Variants in ZNF484 observed in about 807,000 individuals in gnomAD.
The protein encoded by ZNF484 is KRAB box containing C2H2 type zinc finger bA526D8.4.
In ZNF484, 11 loss-of-function variants were observed where a neutral mutation model predicts 12.9. The observed-to-expected ratio is 0.85, with a 90% confidence interval of 0.54 to 1.41. ZNF484 has a LOEUF of 1.41. Ranked by LOEUF, ZNF484 falls within the 40% of genes most tolerant of loss-of-function variation. The pLI, the probability that ZNF484 is intolerant of heterozygous loss-of-function variation, is 0.00. For synonymous variants in ZNF484, 289 were observed against 334.1 expected (o/e 0.86, Z 1.47); for missense variants, 807 against 1,007.7 (o/e 0.80, Z 2.70).
intron 2 of ZNF484, among the ~76,000 whole-genome samples, chr9:92,863,007 G>A (rs1856863938): frequency 6.6e-6 from 1 of 152,020 alleles, no homozygotes. Context: ...CAAAGACATG[G>A]AATCAACCCA....
In ZNF484 at chr9:92,846,659, G is replaced by A. The variant is rs775607515; in HGVS notation, c.2128C>T (p.His710Tyr). The change falls in exon 5 of 5, where the codon CAT becomes TAT. Residue 710 changes from histidine (H) to tyrosine (Y), a missense_variant. His to Tyr is a moderately conservative substitution (Grantham distance 83, BLOSUM62 2). Coordinates refer to ENST00000375495, the MANE Select transcript of ZNF484 (RefSeq NM_031486.4). ...AFARKSTLIMHQRIHTGEKPY... is the reference protein window; with the variant it reads ...AFARKSTLIMYQRIHTGEKPY... ...TTCTCTCCTGTATGAATTCTCTGAT[G>A]CATAATTAGTGTTGATTTTCTTGCA... 6.2e-7 allele frequency: 1 copy of A among 1,614,006 alleles called. No homozygotes were observed. The highest frequency in any genetic ancestry group is 8.5e-7 in the Non-Finnish European group (1 of 1,180,008).
chr9:92,871,162 A>T (rs1045707374), intron 2 of ZNF484, among the ~76,000 whole-genome samples: 2 of 152,250 alleles, frequency 1.3e-5, no homozygotes, highest in Non-Finnish European at 2.9e-5. Context: ...ATTTTAAAGT[A>T]GTCCTCATAA....
Position 92,848,124 on chromosome 9 carries a change from A to C in ZNF484, c.663T>G (p.Thr221=). The C allele has an allele frequency of 6.2e-7, 1 of 1,614,236 alleles. No individual in the cohort carries two copies. The highest frequency in any genetic ancestry group is 8.5e-7 in the Non-Finnish European group (1 of 1,180,044). Residue 221 remains threonine, a synonymous_variant, in exon 5 of 5, where the codon ACT becomes ACG. Transcript: ENST00000375495. The surrounding 1 kb of genome is among the most constrained non-coding windows in gnomAD (Gnocchi z 4.1). ...TCCCACATTGGTTACATTCACAAGC[A>C]GTCACTTCTGTATGAGAATTCAAAT... ...FTHLNSHTEV[T]ACECNQCGKP... is the part of the protein sequence containing the mutation.
In ZNF484 at chr9:92,855,791, G is replaced by C. The variant is rs542539427; in HGVS notation, c.235+20C>G. 3.1e-6 allele frequency: 5 copies of C among 1,609,688 alleles called. No individual in the cohort carries two copies. Among genetic ancestry groups the C allele is most frequent in the Non-Finnish European group, 4.2e-6 (5 of 1,176,532 alleles). ...GCAGCTGAGTCATACTGTCTACCAT[G>C]CTCTTGGTTCCCTTCTCACCTGGAC... On this transcript the variant is annotated intron_variant, in intron 4 of 4. Transcript: ENST00000375495.
rs189292762 is a variant in ZNF484 at position 92,873,010 on chromosome 9, T to G, written c.15+2005A>C. Among the ~76,000 whole-genome samples, 3 of 152,234 alleles carry G rather than the reference T, an allele frequency of 2.0e-5. No homozygotes were observed. In the East Asian group the frequency reaches 5.8e-4, roughly 29 times the overall value. ...CAAGACATTCTCAGTCCTCCAAAAATTCGTATGTTTAGGCTGTAACCCCTA... is the reference window on the plus strand; with the variant it reads ...CAAGACATTCTCAGTCCTCCAAAAAGTCGTATGTTTAGGCTGTAACCCCTA... On this transcript the variant is annotated intron_variant, in intron 2 of 4. Transcript: ENST00000375495.
chr9:92,871,578 G>A (rs910707259), intron 2 of ZNF484, among the ~76,000 whole-genome samples: 4 of 152,178 alleles, frequency 2.6e-5, no homozygotes, highest in Non-Finnish European at 5.9e-5. Flanking sequence ...ACAGATAGAA[G>A]CTGGGCAAAT....
chr9:92,872,538 G>T (rs1857517103), intron 2 of ZNF484, among the ~76,000 whole-genome samples: 1 of 150,246 alleles, frequency 6.7e-6, no homozygotes. Flanking sequence ...ATAAAAGAGA[G>T]TCAGAGAAAG....
intron 4 of ZNF484, among the ~76,000 whole-genome samples, chr9:92,855,080 A>C (rs750308952): frequency 1.2e-4 from 19 of 152,346 alleles, no homozygotes; most frequent in South Asian, 2.1e-4. Context: ...AGAATAAATA[A>C]GAGGGGAGCC....
intron 2 of ZNF484, among the ~76,000 whole-genome samples, chr9:92,857,755 A>C (rs904710666): frequency 5.9e-5 from 9 of 152,150 alleles, no homozygotes; most frequent in Non-Finnish European, 8.8e-5. Context: ...TCTGTGGAGA[A>C]AGATTTTTTT....
At chr9:92,852,529 C>CTT (rs760841960) in intron 4 of ZNF484, among the ~76,000 whole-genome samples, 1,511 of 63,428 alleles carry the variant, frequency 0.024, 36 homozygotes, top group African/African-American at 0.05. Flanking sequence ...CACGCCCAGC[C>CTT]TTTTTTTTTT....
intron 4 of ZNF484, among the ~76,000 whole-genome samples, chr9:92,854,265 C>G (rs1465632960): frequency 6.6e-6 from 1 of 152,082 alleles, no homozygotes; most frequent in Non-Finnish European, 1.5e-5. Flanking sequence ...TTGGATAATA[C>G]TAGGTATGGG....
chr9:92,859,873 C>G (rs906974335), intron 2 of ZNF484, among the ~76,000 whole-genome samples: 6 of 152,182 alleles, frequency 3.9e-5, no homozygotes, highest in Non-Finnish European at 4.4e-5. Context: ...AATGAGAGTT[C>G]CAGGTGTGAG....
chr9:92,871,394 C>CT (rs1217928724), intron 2 of ZNF484, among the ~76,000 whole-genome samples: 1 of 151,614 alleles, frequency 6.6e-6, no homozygotes, highest in African/African-American at 2.4e-5. Context: ...AGAAAACAGA[C>CT]TGAGAAAAAA....
chr9:92,854,409 C>T (rs996517893), intron 4 of ZNF484, among the ~76,000 whole-genome samples: 2 of 152,150 alleles, frequency 1.3e-5, no homozygotes, highest in Non-Finnish European at 2.9e-5. Flanking sequence ...CAATCCCACT[C>T]CTCTTCCTTA....
chr9:92,877,472 T>C (rs1243490304), intron 1 of ZNF484, among the ~76,000 whole-genome samples: 1 of 152,202 alleles, frequency 6.6e-6, no homozygotes, highest in African/African-American at 2.4e-5. Flanking sequence ...CAATTCTATG[T>C]AATATATTCT....
chr9:92,877,016 A>G (rs1377020588), intron 1 of ZNF484, among the ~76,000 whole-genome samples: 1 of 152,186 alleles, frequency 6.6e-6, no homozygotes, highest in Non-Finnish European at 1.5e-5. Context: ...GATAGTCTGC[A>G]TTTTCTGACA....
At chr9:92,855,947 CA>C in intron 3 of ZNF484, 44 bp from the exon 4 acceptor site, 1 of 1,596,870 alleles carries the variant, frequency 6.3e-7, no homozygotes, top group East Asian at 2.2e-5. Context: ...AGAGGCCATA[CA>C]ATGAAGCATT....
intron 2 of ZNF484, among the ~76,000 whole-genome samples, chr9:92,874,709 C>A (rs750974498): frequency 1.3e-5 from 2 of 152,170 alleles, no homozygotes; most frequent in African/African-American, 2.4e-5. Context: ...AGAACCATGA[C>A]ATCTTTACTA....
chr9:92,855,961 AT>A, intron 3 of ZNF484, 58 bp from the exon 4 acceptor site: 5 of 1,583,034 alleles, frequency 3.2e-6, no homozygotes, highest in Non-Finnish European at 3.5e-6. Flanking sequence ...GAAGCATTCC[AT>A]TTTTTTCCCA....
Sources: gnomAD v4.1 joint callset for allele counts (sites outside exome capture counted in the v4.1 genomes callset) on GRCh38, gnomAD v4.1.1 for gene constraint, Gnocchi (gnomAD v3.1) non-coding constraint, MANE v1.5 for transcripts, NCBI Gene and HGNC (gene_info 2026-07-23, HGNC 2026-07-21) for gene names.